BRD4: variants seen among roughly 807,000 people sequenced by gnomAD.
BRD4 encodes bromodomain containing 4.
Under a neutral mutation model 142.1 loss-of-function variants are expected in BRD4, and 16 were observed. The observed-to-expected ratio is 0.11, with a 90% CI of 0.08 to 0.17. BRD4 has a LOEUF of 0.17. Ranked by LOEUF, BRD4 falls within the 10% of genes least tolerant of loss-of-function variation. The pLI, the probability that BRD4 is intolerant of heterozygous loss-of-function variation, is 1.00. For missense variants in BRD4, 1,424 were observed against 1,810.9 expected (o/e 0.79, Z 3.88); for synonymous variants, 833 against 707.5 (o/e 1.18, Z -2.82).
At chr19:15,321,349 C>T (rs749532470) in intron 1 of BRD4, among the ~76,000 whole-genome samples, 18 of 150,540 alleles carry the variant, frequency 1.2e-4, no homozygotes, top group Non-Finnish European at 2.5e-4. Flanking sequence ...TCCCATCTAG[C>T]ATGCCTCTTA....
At chr19:15,328,693 T>C (rs1214802990) in intron 1 of BRD4, among the ~76,000 whole-genome samples, 1 of 152,224 alleles carries the variant, frequency 6.6e-6, no homozygotes, top group Non-Finnish European at 1.5e-5. Flanking sequence ...TTTAAGGTGC[T>C]CTTCTAGGCA....
At chr19:15,247,942 T>C (rs2047305709) in intron 11 of BRD4, 2 of 224,030 alleles carry the variant, frequency 8.9e-6, no homozygotes, top group Non-Finnish European at 1.8e-5. Context: ...CAGTTGCAGC[T>C]GCTCAAGCCC....
chr19:15,282,204 T>C (rs972946576), intron 1 of BRD4, among the ~76,000 whole-genome samples: 4 of 152,108 alleles, frequency 2.6e-5, no homozygotes, highest in Non-Finnish European at 5.9e-5. Flanking sequence ...CAAATAATCC[T>C]GAAACAAATG....
rs1246321668 is a variant in BRD4 at position 15,269,021 on chromosome 19, T to A, written c.307A>T (p.Thr103Ser). The change falls in exon 3 of 20, where the codon ACG becomes TCG. Residue 103 changes from threonine to serine, a missense_variant. Physicochemically the swap from Thr to Ser is moderately conservative, Grantham distance 58. Around this residue, in one of 16 missense-constraint regions of BRD4, gnomAD observed 55 missense variants for 160.7 expected, o/e 0.34. Transcript: ENST00000679869. ...NLPDYYKIIK[T>S]PMDMGTIKKR... ...TTTATTGTTCCCATATCCATAGGCG[T>A]TTTAATGATCTTATAGTAATCCTGG... is the stretch of plus-strand genomic sequence containing the variant. 6.2e-7 allele frequency: 1 copy of A among 1,614,210 alleles called. No individual in the cohort carries two copies. The highest frequency in any genetic ancestry group is 1.7e-5 in the Admixed American group (1 of 60,028).
intron 1 of BRD4, chr19:15,275,843 C>CTAA (rs1301917798): frequency 7.9e-5 from 12 of 152,110 alleles, no homozygotes; most frequent in Admixed American, 7.9e-4. Context: ...CCCATCTCTA[C>CTAA]TAAAAAGACA....
At chr19:15,255,657 T>C (rs564881084) in intron 9 of BRD4, 65 bp from the exon 10 acceptor site, 6 of 1,520,550 alleles carry the variant, frequency 3.9e-6, no homozygotes, top group Non-Finnish European at 5.3e-6. Context: ...CACTCATTCC[T>C]CCACATGTAT....
chr19:15,305,665 G>A (rs550363244), intron 1 of BRD4, among the ~76,000 whole-genome samples: 1 of 152,256 alleles, frequency 6.6e-6, no homozygotes, highest in South Asian at 2.1e-4. Flanking sequence ...TAAGGTCCTT[G>A]GATATTCAGA....
intron 11 of BRD4, among the ~76,000 whole-genome samples, chr19:15,252,324 G>T (rs1046853624): frequency 6.6e-6 from 1 of 152,180 alleles, no homozygotes; most frequent in African/African-American, 2.4e-5. Flanking sequence ...TAGTTAATCA[G>T]GTCCCCTGAC....
At chr19:15,295,167 G>T (rs2047813223) in intron 1 of BRD4, among the ~76,000 whole-genome samples, 1 of 152,162 alleles carries the variant, frequency 6.6e-6, no homozygotes, top group African/African-American at 2.4e-5. Flanking sequence ...ACTGCAGCCT[G>T]GGGGTGCCAC....
chr19:15,327,680 G>A (rs541008266), intron 1 of BRD4, among the ~76,000 whole-genome samples: 1 of 152,200 alleles, frequency 6.6e-6, no homozygotes, highest in East Asian at 1.9e-4. Flanking sequence ...CCATATAATG[G>A]AGTATCATTC....
intron 11 of BRD4, among the ~76,000 whole-genome samples, chr19:15,251,586 C>T (rs1197888974): frequency 6.6e-6 from 1 of 152,088 alleles, no homozygotes; most frequent in African/African-American, 2.4e-5. Flanking sequence ...TGCCGGGATT[C>T]CTGGACCCAG....
chr19:15,330,017 C>T (rs2048143189), intron 1 of BRD4, among the ~76,000 whole-genome samples: 1 of 152,216 alleles, frequency 6.6e-6, no homozygotes, highest in African/African-American at 2.4e-5. Context: ...CGCTGTCCTC[C>T]AGACTAGCGA....
At chr19:15,287,354 A>G (rs1051006588) in intron 1 of BRD4, among the ~76,000 whole-genome samples, 2 of 152,178 alleles carry the variant, frequency 1.3e-5, no homozygotes, top group African/African-American at 4.8e-5. Flanking sequence ...GTTTGGTGAC[A>G]TTAAGTGCAT....
At chr19:15,322,854 G>A (rs1259589707) in intron 1 of BRD4, among the ~76,000 whole-genome samples, 1 of 131,146 alleles carries the variant, frequency 7.6e-6, no homozygotes, top group African/African-American at 3.0e-5. Flanking sequence ...GAGATAGAGA[G>A]AGACTCTGTC....
chr19:15,256,012 G>C, intron 9 of BRD4, 52 bp downstream of exon 9: 1 of 1,601,742 alleles, frequency 6.2e-7, no homozygotes, highest in South Asian at 1.1e-5. Context: ...CAGTCTCAGA[G>C]CAAGCCCTGG....
At chr19:15,262,260 C>A (rs181979360) in intron 7 of BRD4, among the ~76,000 whole-genome samples, 5 of 152,164 alleles carry the variant, frequency 3.3e-5, no homozygotes, top group African/African-American at 1.2e-4. Context: ...CAGATGGCTG[C>A]GACAGCCAGG....
At chr19:15,313,734 T>C (rs939274660) in intron 1 of BRD4, among the ~76,000 whole-genome samples, 1 of 152,178 alleles carries the variant, frequency 6.6e-6, no homozygotes, top group Non-Finnish European at 1.5e-5. Flanking sequence ...ATATTTATAT[T>C]TCATAATCTG....
chr19:15,301,621 G>C (rs2047868656), intron 1 of BRD4, among the ~76,000 whole-genome samples: 1 of 151,502 alleles, frequency 6.6e-6, no homozygotes, highest in South Asian at 2.1e-4. Context: ...CAGCACTTTG[G>C]GAAGCCGAGG....
intron 1 of BRD4, among the ~76,000 whole-genome samples, chr19:15,291,791 A>G (rs1599494105): frequency 6.6e-6 from 1 of 152,204 alleles, no homozygotes; most frequent in Admixed American, 6.5e-5. Context: ...ATTAATGTAC[A>G]TATGTAAAAG....
Sources: allele counts gnomAD v4.1 joint callset (sites outside exome capture counted in the v4.1 genomes callset), GRCh38; gene constraint gnomAD v4.1.1; regional missense constraint gnomAD v4.1.1; transcripts MANE v1.5; gene names NCBI Gene and HGNC (gene_info 2026-07-23, HGNC 2026-07-21).